DEFB134: variants seen among roughly 807,000 people sequenced by gnomAD.
The protein encoded by DEFB134 is defensin beta 134.
A neutral mutation model predicts 7.4 loss-of-function variants in DEFB134; 7 were observed. That is an observed-to-expected ratio of 0.95 (90% CI 0.54 to 1.79). The LOEUF is 1.79. DEFB134 is among the 40% of genes most tolerant of loss of function. The pLI is 0.00. For synonymous variants in DEFB134, 33 were observed against 25.0 expected, an observed-to-expected ratio of 1.32 and a Z score of -0.96; for missense variants, 105 against 74.8, an observed-to-expected ratio of 1.40 and a Z score of -1.49.
At chr8:11,995,403 A>T (rs968884738) in intron 1 of DEFB134, among the ~76,000 whole-genome samples, 1 of 152,222 alleles carries the variant, frequency 6.6e-6, no homozygotes, top group African/African-American at 2.4e-5. Flanking sequence ...ACTTCAGTCC[A>T]TCTAGGCAGA....
chr8:11,999,589 C>T (rs546218011), upstream of DEFB134: 1 of 146,154 alleles, frequency 6.8e-6, no homozygotes, highest in South Asian at 2.3e-4. Context: ...CGTTCACTGA[C>T]TAGGTCACCA....
chr8:11,998,778 T>C (rs190647872), upstream of DEFB134, among the ~76,000 whole-genome samples: 115 of 152,072 alleles, frequency 7.6e-4, 1 homozygote, highest in Admixed American at 3.1e-3. Context: ...AATGAATAAG[T>C]CTGCTTATTT....
exon 1 of DEFB134, chr8:11,996,286 G>A: frequency 6.2e-7 from 1 of 1,611,486 alleles, no homozygotes; most frequent in South Asian, 1.1e-5. Flanking sequence ...CTAGTGGCAG[G>A]GTCTGACATC....
At chr8:12,000,428 T>A (rs973376243), upstream of DEFB134, among the ~76,000 whole-genome samples, 5 of 152,232 alleles carry the variant, frequency 3.3e-5, no homozygotes, top group Non-Finnish European at 7.3e-5. Flanking sequence ...ATATTAGGTT[T>A]ATACTTTAAC....
At chr8:11,996,564 A>C (rs1563114719), upstream of DEFB134, among the ~76,000 whole-genome samples, 1 of 152,336 alleles carries the variant, frequency 6.6e-6, no homozygotes, top group East Asian at 1.9e-4. Context: ...TAAATGAGTA[A>C]AATTAAAATT....
intron 1 of DEFB134, among the ~76,000 whole-genome samples, 180 bp from the exon 3 acceptor site, chr8:11,994,302 C>T (rs1299510479): frequency 6.6e-6 from 1 of 152,154 alleles, no homozygotes; most frequent in Non-Finnish European, 1.5e-5. Context: ...AATTCATATG[C>T]TGAAACCCTC....
At chr8:11,996,945 A>T (rs545655431), upstream of DEFB134, among the ~76,000 whole-genome samples, 59 of 152,322 alleles carry the variant, frequency 3.9e-4, no homozygotes, top group African/African-American at 1.3e-3. Flanking sequence ...TAAACTTCAA[A>T]CAGTAAAGTG....
rs547057216 is a variant in DEFB134 at position 11,996,115 on chromosome 8, G to C, written c.58+79C>G. ...TTGAAAATTAAAGGGCCCATGGGTGGTGTATGTTTATTGGGTTGTTTAGTG... is the reference window on the plus strand; with the variant it reads ...TTGAAAATTAAAGGGCCCATGGGTGCTGTATGTTTATTGGGTTGTTTAGTG... On this transcript the variant is annotated intron_variant, in intron 1 of 1. Coordinates refer to ENST00000526438, the Ensembl canonical transcript of DEFB134. 3 of 1,526,334 alleles carry C rather than the reference G, an allele frequency of 2.0e-6. No homozygotes were observed. The South Asian group carries it at 3.4e-5, about 17-fold the overall frequency. The allele number at this position is 1,526,334 out of a possible 1,614,324, so 94.5% of individuals were successfully genotyped here.
At chr8:11,998,294 A>C (rs527344841), upstream of DEFB134, among the ~76,000 whole-genome samples, 9 of 151,832 alleles carry the variant, frequency 5.9e-5, no homozygotes, top group Non-Finnish European at 1.2e-4. Context: ...ACAAGATTAA[A>C]AAAAAAATTA....
At chr8:11,995,249 C>G (rs770070447) in intron 1 of DEFB134, among the ~76,000 whole-genome samples, 1 of 152,216 alleles carries the variant, frequency 6.6e-6, no homozygotes, top group East Asian at 1.9e-4. Flanking sequence ...CTGGAGGCCA[C>G]AAATCCATTG....
upstream of DEFB134, chr8:11,996,354 G>T: frequency 2.3e-6 from 3 of 1,331,878 alleles, no homozygotes; most frequent in Non-Finnish European, 3.2e-6. Context: ...AACCTCTCAG[G>T]GCTGGGGTAT....
chr8:11,996,012 A>G (rs1800109826), intron 1 of DEFB134, among the ~76,000 whole-genome samples, 182 bp downstream of exon 2: 1 of 151,596 alleles, frequency 6.6e-6, no homozygotes, highest in South Asian at 2.1e-4. Context: ...GTCCAAAGTT[A>G]TATAGTTAAC....
rs1800082468 is a variant in DEFB134 at position 11,995,098 on chromosome 8, T to TA, written c.59-977dup. 3.3e-5 allele frequency among the ~76,000 whole-genome samples: 5 copies of TA among 152,204 alleles called. No homozygotes were observed. The South Asian group carries it at 1.0e-3, about 31-fold the overall frequency. On this transcript the variant is annotated intron_variant, in intron 1 of 1. Transcript: ENST00000526438. ...TACTTAGTTTGCAAGACAGAAGCCC[T>TA]AGAGGACAATCTGTAACACTTTTGG...
Position 11,995,620 on chromosome 8 carries a change from A to G in DEFB134, c.58+574T>C, listed in dbSNP as rs145781579. 3.9e-4 allele frequency among the ~76,000 whole-genome samples: 59 copies of G among 152,332 alleles called. 1 individual carries two copies. The East Asian group carries it at 0.011, about 27-fold the overall frequency. On this transcript the variant is annotated intron_variant, in intron 1 of 1. Coordinates refer to ENST00000526438, the Ensembl canonical transcript of DEFB134. ...ATTCTCTTGAAACTAGCCGTTCTAA[A>G]TCTGTTTCCTCATGTAACTAATGGA...
upstream of DEFB134, among the ~76,000 whole-genome samples, chr8:11,998,380 G>T (rs1262463351): frequency 6.6e-6 from 1 of 151,940 alleles, no homozygotes; most frequent in Non-Finnish European, 1.5e-5. Flanking sequence ...GCGCCTAAGG[G>T]GTTGGGACTA....
At chr8:12,000,260 T>C (rs1390832862), upstream of DEFB134, among the ~76,000 whole-genome samples, 3 of 152,170 alleles carry the variant, frequency 2.0e-5, no homozygotes, top group African/African-American at 4.8e-5. Flanking sequence ...CTTGTCACAA[T>C]TGTTACTATA....
chr8:12,000,621 T>A (rs1434299461), upstream of DEFB134, among the ~76,000 whole-genome samples: 1 of 152,146 alleles, frequency 6.6e-6, no homozygotes, highest in Non-Finnish European at 1.5e-5. Context: ...CAATAACTAA[T>A]AATAAAACAA....
upstream of DEFB134, chr8:11,999,384 A>G (rs909396409): frequency 4.9e-6 from 1 of 205,734 alleles, no homozygotes; most frequent in African/African-American, 2.3e-5. Flanking sequence ...GAAAGTGTTG[A>G]ATATGACTCA....
chr8:11,997,036 C>G (rs1233243604), upstream of DEFB134, among the ~76,000 whole-genome samples: 1 of 152,176 alleles, frequency 6.6e-6, no homozygotes, highest in African/African-American at 2.4e-5. Context: ...TCCATTCCCC[C>G]TAACATTTTT....
Sources: allele counts gnomAD v4.1 joint callset (sites outside exome capture counted in the v4.1 genomes callset), GRCh38; gene constraint gnomAD v4.1.1; transcripts MANE v1.5; gene names NCBI Gene and HGNC (gene_info 2026-07-23, HGNC 2026-07-21).